ADCK2: variants seen among roughly 807,000 people sequenced by gnomAD.
ADCK2 encodes uncharacterized aarF domain-containing protein kinase 2.
Under a neutral mutation model 52.3 loss-of-function variants are expected in ADCK2, and 37 were observed. The ratio of observed to expected loss-of-function variants is 0.71; its 90% CI spans 0.54 to 0.93. The LOEUF (loss-of-function observed/expected upper bound fraction) is 0.93. ADCK2 is among the 40% of genes least tolerant of loss of function. ADCK2 has a pLI of 0.00. For missense variants in ADCK2, 695 were observed against 798.7 expected (o/e 0.87, Z 1.56); for synonymous variants, 321 against 349.2 (o/e 0.92, Z 0.90).
chr7:140,687,965 C>G (rs1563209975), intron 5 of ADCK2, among the ~76,000 whole-genome samples: 1 of 151,698 alleles, frequency 6.6e-6, no homozygotes, highest in Non-Finnish European at 1.5e-5. Context: ...GCCATCCTCC[C>G]ATCTCAGCCT....
Position 140,692,659 on chromosome 7 carries a change from T to A in ADCK2, c.1740+1846T>A, listed in dbSNP as rs146690655. Among the ~76,000 whole-genome samples the A allele has an allele frequency of 8.7e-4, 132 of 152,378 alleles. 1 individual carries two copies. In the East Asian group the frequency reaches 9.8e-3, roughly 11 times the overall value. ...CAGGCGTGAGCCACCGCGCTTGGCCTGTTATTCTGTTGATGCTGTTGATGT... is the reference window on the plus strand; with the variant it reads ...CAGGCGTGAGCCACCGCGCTTGGCCAGTTATTCTGTTGATGCTGTTGATGT... On this transcript the variant is annotated intron_variant, in intron 7 of 7. Transcript: ENST00000072869.
intron 6 of ADCK2, among the ~76,000 whole-genome samples, chr7:140,690,291 C>T (rs1331208182): frequency 2.0e-5 from 3 of 152,078 alleles, no homozygotes; most frequent in African/African-American, 7.2e-5. Context: ...CAACTTCCAC[C>T]TCCCGGATTC....
Position 140,674,030 on chromosome 7 carries a change from AG to A in ADCK2, c.703del (p.Ala235ProfsTer16), listed in dbSNP as rs1314623659. 6.2e-7 allele frequency: 1 copy of A among 1,613,970 alleles called. No homozygotes were observed. Among genetic ancestry groups the A allele is most frequent in the South Asian group, 1.1e-5 (1 of 91,082 alleles). On this transcript the variant is annotated frameshift_variant, in exon 1 of 8. Transcript: ENST00000072869. LOFTEE classifies it high-confidence loss of function. This position sits in a 1 kb window ranked among gnomAD's most constrained non-coding sequence, Gnocchi z 4.6. ...GACTGACAGCGTCCAGAGACTTGGC[AG>A]GGCCTCCTGTCTGCCGCCCTTCTCA... ...LETDSVQRLGRASCLPPFSHT... is the reference protein window; with the variant it reads ...LETDSVQRLGXASCLPPFSHT...
rs371820955 is a variant in ADCK2 at position 140,689,654 on chromosome 7, G to A, written c.1615G>A (p.Val539Met). The A allele has an allele frequency of 9.0e-5, 146 of 1,613,602 alleles. 1 individual carries two copies. The highest frequency in any genetic ancestry group is 1.1e-4 in the Non-Finnish European group (129 of 1,179,792). ...HHARASECRD[V>M]EGFKTEMAML... ...TGCCCGGGCCAGCGAGTGCAGGGAC[G>A]TGGAGGGGTTCAAAACCGAGATGGC... The change falls in exon 6 of 8, where the codon GTG becomes ATG. Residue 539 changes from valine to methionine, a missense_variant. Physicochemically the swap from Val to Met is conservative, Grantham distance 21. Coordinates refer to ENST00000072869, the MANE Select transcript of ADCK2 (RefSeq NM_052853.4).
At chr7:140,684,248 C>T (rs1278796981) in intron 4 of ADCK2, among the ~76,000 whole-genome samples, 2 of 152,092 alleles carry the variant, frequency 1.3e-5, no homozygotes, top group Non-Finnish European at 2.9e-5. Flanking sequence ...TAACCTTTGT[C>T]GTCAGGCTTC....
intron 3 of ADCK2, among the ~76,000 whole-genome samples, chr7:140,680,188 C>T (rs1412006686): frequency 6.6e-6 from 1 of 151,930 alleles, no homozygotes; most frequent in Non-Finnish European, 1.5e-5. Flanking sequence ...CTCTGTTGCC[C>T]AGGCTGTGGT....
At chr7:140,675,055 C>T (rs1016806354) in intron 2 of ADCK2, among the ~76,000 whole-genome samples, 40 of 152,164 alleles carry the variant, frequency 2.6e-4, no homozygotes, top group African/African-American at 9.6e-4. Flanking sequence ...TCAGCCTGGC[C>T]AACATGGTGT....
chr7:140,687,251 A>G lies in ADCK2; in HGVS notation c.1557+10A>G, dbSNP rs370501409. The G allele has an allele frequency of 1.9e-6, 3 of 1,544,174 alleles. No homozygotes were observed. The highest frequency in any genetic ancestry group is 1.8e-6 in the Non-Finnish European group (2 of 1,139,586). On this transcript the variant is annotated intron_variant, in intron 5 of 7. Transcript: ENST00000072869. ...TGTGGTGATGGGGCAGGTGAGACGC[A>G]CTGGGACCACAGAAGTTGGGGTGAA...
Position 140,674,647 on chromosome 7 carries a change from G to C in ADCK2, c.970G>C (p.Asp324His). Residue 324 changes from aspartate (D) to histidine (H), a missense_variant, in exon 2 of 8, where the codon GAC becomes CAC. Coordinates refer to ENST00000072869, the MANE Select transcript of ADCK2 (RefSeq NM_052853.4). The surrounding 1 kb of genome is among the most constrained non-coding windows in gnomAD (Gnocchi z 4.6). ...HPGLLAQVHM[D>H]LLLMKIGSRV... ...TGGCCTGCTCGCTCAGGTGCATATGGACCTGCTGCTGATGAAGATTGGCAG... is the reference window on the plus strand; with the variant it reads ...TGGCCTGCTCGCTCAGGTGCATATGCACCTGCTGCTGATGAAGATTGGCAG... The C allele has an allele frequency of 1.2e-6, 2 of 1,614,046 alleles. No homozygotes were observed. The highest frequency in any genetic ancestry group is 1.7e-6 in the Non-Finnish European group (2 of 1,180,010).
At chr7:140,679,129 C>G in intron 2 of ADCK2, 26 bp from the exon 3 acceptor site, 7 of 1,613,094 alleles carry the variant, frequency 4.3e-6, no homozygotes, top group Non-Finnish European at 5.9e-6. Flanking sequence ...GACTAGCCCT[C>G]ATCCTTTCTG....
At position 140,681,025 on chromosome 7, in the gene ADCK2, C is replaced by T. The variant is rs1585846510; in HGVS notation, c.1210-17C>T. The T allele has an allele frequency of 1.9e-6, 3 of 1,613,504 alleles. No homozygotes were observed. The highest frequency in any genetic ancestry group is 1.6e-4 in the Middle Eastern group (1 of 6,062). Reference sequence around the variant, plus strand: ...GCTGGCTGGGATTAAGCTGTTCTCTCCCTGGTCTTTCTGAAGGAGAGTGTG... The same window carrying T: ...GCTGGCTGGGATTAAGCTGTTCTCTTCCTGGTCTTTCTGAAGGAGAGTGTG... On this transcript the variant is annotated splice_polypyrimidine_tract_variant and intron_variant, in intron 3 of 7. Coordinates refer to ENST00000072869, the MANE Select transcript of ADCK2 (RefSeq NM_052853.4).
rs747851900 is a variant in ADCK2 at position 140,681,053 on chromosome 7, TG to T, written c.1222del (p.Val408CysfsTer13). The stretch of plus-strand genomic sequence containing the variant: ...TGGTCTTTCTGAAGGAGAGTGTGCC[TG>T]TGTCCAGTTACCAGCAGGCAGGAAT... Reference protein sequence around the residue: ...LVETYEESVPVSSYQQAGIPV... With the variant: ...LVETYEESVPXSSYQQAGIPV... On this transcript the variant is annotated frameshift_variant, in exon 4 of 8. Transcript: ENST00000072869. LOFTEE classifies it high-confidence loss of function. 8.7e-6 allele frequency: 14 copies of T among 1,614,164 alleles called. No individual in the cohort carries two copies. The Admixed American group carries it at 2.3e-4, about 27-fold the overall frequency.
In ADCK2 at chr7:140,679,326, C is replaced by T. The variant is rs1456952644; in HGVS notation, c.1209+43C>T. The T allele has an allele frequency of 6.2e-6, 10 of 1,609,312 alleles. No individual in the cohort carries two copies. The Admixed American group carries it at 1.7e-4, about 27-fold the overall frequency. On this transcript the variant is annotated intron_variant, in intron 3 of 7. Coordinates refer to ENST00000072869, the MANE Select transcript of ADCK2 (RefSeq NM_052853.4). Reference sequence around the variant, plus strand: ...GCCTGGCCATACCTTTCACTTGCCACTCGCAGTGGGCCCGTCTCCAGCCCA... The same window carrying T: ...GCCTGGCCATACCTTTCACTTGCCATTCGCAGTGGGCCCGTCTCCAGCCCA...
At chr7:140,681,277 A>G in intron 4 of ADCK2, 140 bp downstream of exon 4, 1 of 709,818 alleles carries the variant, frequency 1.4e-6, no homozygotes, top group South Asian at 1.7e-5. Flanking sequence ...GTCTAGAAAG[A>G]GTGGAGGCTA....
chr7:140,689,751 G>A, intron 6 of ADCK2, 26 bp downstream of exon 6: 1 of 1,594,188 alleles, frequency 6.3e-7, no homozygotes, highest in Non-Finnish European at 8.6e-7. Flanking sequence ...GCGGAACAGG[G>A]GCTGGGGAGT....
At chr7:140,685,650 C>T (rs923514416) in intron 4 of ADCK2, among the ~76,000 whole-genome samples, 3 of 152,018 alleles carry the variant, frequency 2.0e-5, no homozygotes, top group Admixed American at 6.6e-5. Flanking sequence ...TAGGACAGTC[C>T]CTTCATGGTC....
At chr7:140,679,105 T>A in intron 2 of ADCK2, 50 bp from the exon 3 acceptor site, 2 of 1,600,830 alleles carry the variant, frequency 1.2e-6, no homozygotes, top group Non-Finnish European at 1.7e-6. Flanking sequence ...CAGATGTCAC[T>A]GTGCCTGTAC....
Position 140,673,678 on chromosome 7 carries a change from C to T in ADCK2, c.348C>T (p.Leu116=). ...TGAAATTCTTCCCCCTCCTACTCCT[C>T]TACCCCCTCACCTACCTGGCTCCCA... The part of the protein sequence containing the change: ...LLVKFFPLLL[L]YPLTYLAPSV... The change falls in exon 1 of 8, where the codon CTC becomes CTT. Residue 116 remains leucine (L), a synonymous_variant. Coordinates refer to ENST00000072869, the MANE Select transcript of ADCK2 (RefSeq NM_052853.4). This position sits in a 1 kb window ranked among gnomAD's most constrained non-coding sequence, Gnocchi z 6.4. 5.0e-6 allele frequency: 8 copies of T among 1,611,768 alleles called. No individual in the cohort carries two copies. Among genetic ancestry groups the T allele is most frequent in the Non-Finnish European group, 6.8e-6 (8 of 1,179,966 alleles).
At chr7:140,687,452 C>T (rs1033900958) in intron 5 of ADCK2, among the ~76,000 whole-genome samples, 3 of 152,036 alleles carry the variant, frequency 2.0e-5, no homozygotes, top group African/African-American at 2.4e-5. Flanking sequence ...CAGTGGTTCA[C>T]GCCTGTAATC....
Sources: gnomAD v4.1 joint callset for allele counts (sites outside exome capture counted in the v4.1 genomes callset) on GRCh38, gnomAD v4.1.1 for gene constraint, Gnocchi (gnomAD v3.1) non-coding constraint, MANE v1.5 for transcripts, NCBI Gene and HGNC (gene_info 2026-07-23, HGNC 2026-07-21) for gene names.